KCNQ5: variants seen among roughly 807,000 people sequenced by gnomAD.
The protein encoded by KCNQ5 is potassium voltage-gated channel subfamily KQT member 5.
Under a neutral mutation model 98.2 loss-of-function variants are expected in KCNQ5, and 30 were observed. The observed-to-expected ratio is 0.31, with a 90% confidence interval of 0.23 to 0.41. KCNQ5 has a LOEUF of 0.41. Among genes scored for constraint, KCNQ5 ranks in the 10% least tolerant of loss-of-function variants. The pLI, the probability that KCNQ5 is intolerant of heterozygous loss-of-function variation, is 1.00. For missense variants in KCNQ5, 835 were observed against 1,182.5 expected, an observed-to-expected ratio of 0.71 and a Z score of 4.31; for synonymous variants, 458 against 449.4, an observed-to-expected ratio of 1.02 and a Z score of -0.24.
At chr6:72,974,744 CTT>C (rs760371964) in intron 1 of KCNQ5, among the ~76,000 whole-genome samples, 20 of 144,742 alleles carry the variant, frequency 1.4e-4, no homozygotes, top group African/African-American at 1.5e-4. Context: ...ACACTTTCTA[CTT>C]TTTTTTTTTT....
At chr6:72,779,821 CTGTG>C (rs35526812) in intron 1 of KCNQ5, among the ~76,000 whole-genome samples, 9,394 of 124,598 alleles carry the variant, frequency 0.075, 431 homozygotes, top group African/African-American at 0.11. Context: ...ATTTAATTTT[CTGTG>C]TGTGTGTGTG....
chr6:73,016,508 A>G (rs1361753632), intron 2 of KCNQ5, among the ~76,000 whole-genome samples: 1 of 152,168 alleles, frequency 6.6e-6, no homozygotes, highest in African/African-American at 2.4e-5. Context: ...ATTTAATTAT[A>G]TAACACTAAT....
At chr6:73,193,836 CTT>C (rs71540369) in intron 13 of KCNQ5, among the ~76,000 whole-genome samples, 3,041 of 124,452 alleles carry the variant, frequency 0.024, 100 homozygotes, top group African/African-American at 0.084. Context: ...AATGGGAAGT[CTT>C]TTTTTTTTTT....
At chr6:72,692,586 T>G (rs1768267075) in intron 1 of KCNQ5, among the ~76,000 whole-genome samples, 2 of 152,226 alleles carry the variant, frequency 1.3e-5, no homozygotes, top group Non-Finnish European at 2.9e-5. Context: ...TTTTGAAATT[T>G]TCTAAGGTGA....
chr6:73,096,377 C>G (rs4708027), intron 5 of KCNQ5, among the ~76,000 whole-genome samples: 141,004 of 148,238 alleles, frequency 0.95, 67,067 homozygotes, highest in South Asian at 0.98. Flanking sequence ...TGATGAATAG[C>G]AAGGCAGGAG....
At chr6:73,020,379 A>G (rs1232558050) in intron 2 of KCNQ5, among the ~76,000 whole-genome samples, 1 of 152,058 alleles carries the variant, frequency 6.6e-6, no homozygotes, top group African/African-American at 2.4e-5. Context: ...TATAAAGGAT[A>G]TTACAAAGGA....
At chr6:73,040,653 G>A (rs1771646472) in intron 2 of KCNQ5, among the ~76,000 whole-genome samples, 1 of 152,196 alleles carries the variant, frequency 6.6e-6, no homozygotes, top group South Asian at 2.1e-4. Context: ...ATAACTGTGA[G>A]TAAGCAGTGA....
intron 1 of KCNQ5, among the ~76,000 whole-genome samples, chr6:72,937,197 C>A (rs113450220): frequency 6.6e-6 from 1 of 152,154 alleles, no homozygotes; most frequent in African/African-American, 2.4e-5. Context: ...CTTTAAAATT[C>A]TTTAATAGTC....
rs561931222 is a variant in KCNQ5 at position 72,974,487 on chromosome 6, G to A, written c.399-29421G>A. ...ATACTTCTGGGTCCCTGCCAGCCTC[G>A]TGCATTTTCAAGGGCCTAGGAATCA... On this transcript the variant is annotated intron_variant, in intron 1 of 13. Transcript: ENST00000370398. Among the ~76,000 whole-genome samples the A allele has an allele frequency of 2.8e-4, 43 of 151,714 alleles. No homozygotes were observed. In the South Asian group the frequency reaches 5.8e-3, roughly 21 times the overall value.
chr6:72,894,499 TA>T (rs1452907139), intron 1 of KCNQ5, among the ~76,000 whole-genome samples: 1 of 152,200 alleles, frequency 6.6e-6, no homozygotes, highest in Non-Finnish European at 1.5e-5. Flanking sequence ...CTCAAGTTTC[TA>T]TTCTAAAAGC....
chr6:72,951,444 A>AG (rs1554189625), intron 1 of KCNQ5, among the ~76,000 whole-genome samples: 1 of 135,194 alleles, frequency 7.4e-6, no homozygotes, highest in Non-Finnish European at 1.6e-5. Context: ...CACCCAGCAA[A>AG]TTTTTTTTTT....
intron 1 of KCNQ5, among the ~76,000 whole-genome samples, chr6:72,753,135 T>C (rs1207242614): frequency 6.6e-6 from 1 of 152,118 alleles, no homozygotes; most frequent in Non-Finnish European, 1.5e-5. Context: ...TTTCTGACAG[T>C]CACTGATCTG....
At chr6:72,920,719 G>C (rs1298834615) in intron 1 of KCNQ5, among the ~76,000 whole-genome samples, 1 of 152,078 alleles carries the variant, frequency 6.6e-6, no homozygotes, top group African/African-American at 2.4e-5. Flanking sequence ...CTAAATACCA[G>C]CCAATACTTT....
At chr6:72,987,401 C>G in intron 1 of KCNQ5, 4 of 711,320 alleles carry the variant, frequency 5.6e-6, no homozygotes, top group South Asian at 5.4e-5. Context: ...CTTGTGAAAC[C>G]AGGAAGTGGA....
At chr6:72,835,051 A>G (rs1776441754) in intron 1 of KCNQ5, among the ~76,000 whole-genome samples, 1 of 152,066 alleles carries the variant, frequency 6.6e-6, no homozygotes, top group South Asian at 2.1e-4. Flanking sequence ...AAACTCAGGA[A>G]TATGTTCAAG....
intron 1 of KCNQ5, among the ~76,000 whole-genome samples, chr6:72,997,280 C>T (rs148086653): frequency 1.7e-3 from 264 of 152,256 alleles, no homozygotes; most frequent in African/African-American, 5.6e-3. Flanking sequence ...AGTCCACTGA[C>T]TGCTCTGAGG....
intron 1 of KCNQ5, among the ~76,000 whole-genome samples, chr6:72,807,996 T>C (rs1351680075): frequency 1.3e-5 from 2 of 152,170 alleles, no homozygotes; most frequent in Non-Finnish European, 2.9e-5. Flanking sequence ...GTTAAATAAC[T>C]TGGACTTCAT....
chr6:72,792,891 A>T (rs970757724), intron 1 of KCNQ5, among the ~76,000 whole-genome samples: 1 of 152,224 alleles, frequency 6.6e-6, no homozygotes, highest in African/African-American at 2.4e-5. Context: ...GGAATACTTT[A>T]TCATGGGTTG....
intron 1 of KCNQ5, among the ~76,000 whole-genome samples, chr6:72,785,968 T>C (rs998119688): frequency 1.3e-5 from 2 of 152,172 alleles, no homozygotes; most frequent in Non-Finnish European, 2.9e-5. Context: ...CCAAGAGACA[T>C]ATAATAGGAG....
Sources: gnomAD v4.1 joint callset for allele counts (sites outside exome capture counted in the v4.1 genomes callset) on GRCh38, gnomAD v4.1.1 for gene constraint, MANE v1.5 for transcripts, NCBI Gene and HGNC (gene_info 2026-07-23, HGNC 2026-07-21) for gene names.